NIPBL: variants seen among roughly 807,000 people sequenced by gnomAD.
NIPBL encodes the protein NIPBL cohesin loading factor.
NIPBL carries 19 observed loss-of-function variants against 321.8 expected under a neutral mutation model. The ratio of observed to expected loss-of-function variants is 0.06; its 90% confidence interval spans 0.04 to 0.09. NIPBL has a LOEUF of 0.09. NIPBL is among the 10% of genes least tolerant of loss of function. The pLI is 1.00. For missense variants in NIPBL, 2,210 were observed against 3,327.0 expected (o/e 0.66, Z 8.26); for synonymous variants, 1,106 against 1,114.1 (o/e 0.99, Z 0.14).
In NIPBL at chr5:37,022,148, G is replaced by A; in HGVS notation, c.5426G>A (p.Arg1809Lys). Residue 1809 changes from arginine to lysine, a missense_variant and splice_region_variant, in exon 28 of 47, where the codon AGG becomes AAG. Around this residue, in one of 14 missense-constraint regions of NIPBL, gnomAD observed 49 missense variants for 163.6 expected, o/e 0.30. Coordinates refer to ENST00000282516, the MANE Select transcript of NIPBL (RefSeq NM_133433.4). ...GCTGTAGACCCCAGTATTCTAGCAA[G>A]GGTAAAGAGCAAAAATGATTCTTTC... ...VVAVDPSILA[R>K]LDMQRGVHGR... 1 of 1,613,892 alleles carries A rather than the reference G, an allele frequency of 6.2e-7. No homozygotes were observed.
chr5:36,942,455 AAAG>A (rs1485186226), intron 1 of NIPBL, among the ~76,000 whole-genome samples: 7 of 146,400 alleles, frequency 4.8e-5, no homozygotes, highest in African/African-American at 1.8e-4. Flanking sequence ...AAAAAAAAAA[AAAG>A]GCCAGGTGCG....
At chr5:36,889,899 A>G (rs765199748) in intron 1 of NIPBL, among the ~76,000 whole-genome samples, 2 of 151,774 alleles carry the variant, frequency 1.3e-5, no homozygotes, top group Non-Finnish European at 2.9e-5. Context: ...TTTTTTTTCA[A>G]TTGTAGAACC....
chr5:36,966,446 G>A (rs1159111109), intron 6 of NIPBL, among the ~76,000 whole-genome samples: 1 of 152,022 alleles, frequency 6.6e-6, no homozygotes, highest in African/African-American at 2.4e-5. Flanking sequence ...GCAGTGTTGT[G>A]CACTTTACAT....
Position 37,063,807 on chromosome 5 carries a change from A to G in NIPBL, c.7878A>G (p.Glu2626=). The change falls in exon 46 of 47, where the codon GAA becomes GAG. Residue 2626 remains glutamate (E), a synonymous_variant. Coordinates refer to ENST00000282516, the MANE Select transcript of NIPBL (RefSeq NM_133433.4). Reference sequence around the variant, plus strand: ...TTTTGTAGTTCAAACTTCTCATGGAACATCTGGACCCTGATGAAGAAGAAG... The same window carrying G: ...TTTTGTAGTTCAAACTTCTCATGGAGCATCTGGACCCTGATGAAGAAGAAG... ...KQYLDFKLLM[E]HLDPDEEEEE... 1 of 1,613,726 alleles carries G rather than the reference A, an allele frequency of 6.2e-7. No individual in the cohort carries two copies.
rs1751708520 is a variant in NIPBL at position 37,036,450 on chromosome 5, A to G, written c.5934A>G (p.Leu1978=). The G allele has an allele frequency of 1.4e-6, 2 of 1,473,424 alleles. No individual in the cohort carries two copies. Among genetic ancestry groups the G allele is most frequent in the Admixed American group, 2.1e-5 (1 of 48,396 alleles). The allele number at this position is 1,473,424 out of a possible 1,614,324, so 91.3% of individuals were successfully genotyped here. Reference sequence around the variant, plus strand: ...CTTGTACTCAACTTGTTGATAACCTAGTTGAGCACATTCTTAAATATGAGG... The same window carrying G: ...CTTGTACTCAACTTGTTGATAACCTGGTTGAGCACATTCTTAAATATGAGG... ...KKACTQLVDN[L]VEHILKYEES... is the part of the protein sequence containing the mutation. Residue 1978 remains leucine (L), a synonymous_variant, in exon 33 of 47, where the codon CTA becomes CTG. Coordinates refer to ENST00000282516, the MANE Select transcript of NIPBL (RefSeq NM_133433.4).
chr5:36,897,904 AAGC>A (rs1279348614), intron 1 of NIPBL, among the ~76,000 whole-genome samples: 1 of 151,786 alleles, frequency 6.6e-6, no homozygotes, highest in Non-Finnish European at 1.5e-5. Context: ...AAAAAAAAAA[AAGC>A]AAGGAGGGAA....
intron 6 of NIPBL, among the ~76,000 whole-genome samples, chr5:36,965,097 G>C (rs967780367): frequency 6.6e-6 from 1 of 152,132 alleles, no homozygotes; most frequent in Non-Finnish European, 1.5e-5. Flanking sequence ...AATTAGTACA[G>C]CCTTTATGGA....
At chr5:36,946,513 C>G (rs562312379) in intron 1 of NIPBL, among the ~76,000 whole-genome samples, 47 of 151,380 alleles carry the variant, frequency 3.1e-4, no homozygotes, top group African/African-American at 9.5e-4. Context: ...CTTAATAATT[C>G]TATATATTAA....
chr5:36,948,020 G>A (rs1430592244), intron 1 of NIPBL, among the ~76,000 whole-genome samples: 1 of 151,624 alleles, frequency 6.6e-6, no homozygotes, highest in African/African-American at 2.4e-5. Context: ...CTTTATTTTA[G>A]TGCCAATTTG....
chr5:36,978,028 C>G (rs186137420), intron 9 of NIPBL, among the ~76,000 whole-genome samples: 3 of 152,064 alleles, frequency 2.0e-5, no homozygotes, highest in African/African-American at 4.8e-5. Flanking sequence ...TAGGTTGATT[C>G]TGTAACTTTG....
At chr5:37,013,915 A>G (rs1293099968) in intron 21 of NIPBL, among the ~76,000 whole-genome samples, 1 of 152,230 alleles carries the variant, frequency 6.6e-6, no homozygotes, top group Non-Finnish European at 1.5e-5. Context: ...CAGCCTGGGC[A>G]CCATTGAGCA....
rs755732764 is a variant in NIPBL, at chr5:37,044,349, G to T, written c.6111G>T (p.Thr2037=). Residue 2037 remains threonine (T), a splice_region_variant and synonymous_variant, in exon 35 of 47, where the codon ACG becomes ACT. Coordinates refer to ENST00000282516, the MANE Select transcript of NIPBL (RefSeq NM_133433.4). ...AAGCATTAATTTTATTCTTATAGAC[G>T]CAAAATGATTTCATGGTTATCTGCA... ...MQPYLTTKCS[T]QNDFMVICNV... is the part of the protein sequence containing the mutation. 1.2e-6 allele frequency: 2 copies of T among 1,612,596 alleles called. No homozygotes were observed. Among genetic ancestry groups the T allele is most frequent in the African/African-American group, 2.7e-5 (2 of 74,800 alleles).
chr5:36,888,233 T>C (rs1232120439), intron 1 of NIPBL, among the ~76,000 whole-genome samples: 1 of 152,186 alleles, frequency 6.6e-6, no homozygotes, highest in Non-Finnish European at 1.5e-5. Flanking sequence ...AAAATTAAGG[T>C]GTAATCTTTA....
At chr5:36,927,745 T>C (rs1432687871) in intron 1 of NIPBL, among the ~76,000 whole-genome samples, 1 of 152,164 alleles carries the variant, frequency 6.6e-6, no homozygotes, top group Admixed American at 6.5e-5. Flanking sequence ...AATGGAGATA[T>C]CAAATAGGCA....
chr5:36,905,819 C>T (rs1472812359), intron 1 of NIPBL, among the ~76,000 whole-genome samples: 2 of 152,004 alleles, frequency 1.3e-5, no homozygotes, highest in African/African-American at 2.4e-5. Context: ...TCTTGGCTCA[C>T]TGCAAGCTCC....
intron 21 of NIPBL, among the ~76,000 whole-genome samples, chr5:37,012,302 A>ACCAT (rs1748228608): frequency 1.4e-5 from 2 of 147,598 alleles, no homozygotes; most frequent in Admixed American, 1.3e-4. Flanking sequence ...GGCACGCGCC[A>ACCAT]CCATGCCGGG....
chr5:37,063,737 A>G (rs376276534), intron 45 of NIPBL, 53 bp from the exon 46 acceptor site: 20 of 1,534,078 alleles, frequency 1.3e-5, no homozygotes, highest in African/African-American at 5.5e-5. Context: ...GAATTTGACA[A>G]TCTTGCTTGA....
intron 1 of NIPBL, among the ~76,000 whole-genome samples, chr5:36,889,416 T>C (rs1746153508): frequency 6.6e-6 from 1 of 152,152 alleles, no homozygotes; most frequent in Non-Finnish European, 1.5e-5. Flanking sequence ...CAGATACTCA[T>C]ATTAAGAACT....
intron 1 of NIPBL, among the ~76,000 whole-genome samples, chr5:36,917,712 GA>G (rs1222203430): frequency 6.6e-6 from 1 of 152,166 alleles, no homozygotes; most frequent in Non-Finnish European, 1.5e-5. Context: ...AAGGTGTAAG[GA>G]AGGGATTCAG....
Sources: gnomAD v4.1 joint callset for allele counts (sites outside exome capture counted in the v4.1 genomes callset) on GRCh38, gnomAD v4.1.1 for gene constraint, gnomAD v4.1.1 regional missense constraint, MANE v1.5 for transcripts, NCBI Gene and HGNC (gene_info 2026-07-23, HGNC 2026-07-21) for gene names.